The following KCNQ3 variants were observed in gnomAD, a reference collection of about 807,000 sequenced individuals.
KCNQ3 encodes the protein potassium voltage-gated channel subfamily KQT member 3.
Under a neutral mutation model 92.5 loss-of-function variants are expected in KCNQ3, and 30 were observed. The observed-to-expected ratio is 0.32, with a 90% CI of 0.24 to 0.44. The LOEUF (loss-of-function observed/expected upper bound fraction) is 0.44, where lower values mean the gene tolerates loss of function less well. Among genes scored for constraint, KCNQ3 ranks in the 20% least tolerant of loss-of-function variants. KCNQ3 has a pLI of 1.00. For synonymous variants in KCNQ3, 450 were observed against 468.8 expected, an observed-to-expected ratio of 0.96 and a Z score of 0.52; for missense variants, 913 against 1,140.3, an observed-to-expected ratio of 0.80 and a Z score of 2.87.
At chr8:132,414,789 C>T (rs974817858) in intron 1 of KCNQ3, among the ~76,000 whole-genome samples, 2 of 152,180 alleles carry the variant, frequency 1.3e-5, no homozygotes, top group African/African-American at 4.8e-5. Context: ...AAACGCATGA[C>T]CCACCTCATT....
chr8:132,331,126 G>A (rs1031632470), intron 1 of KCNQ3, among the ~76,000 whole-genome samples: 1 of 152,136 alleles, frequency 6.6e-6, no homozygotes, highest in African/African-American at 2.4e-5. Flanking sequence ...TAGGAACCAG[G>A]CACTGTCCTG....
At chr8:132,369,330 G>A (rs987557733) in intron 1 of KCNQ3, among the ~76,000 whole-genome samples, 3 of 152,072 alleles carry the variant, frequency 2.0e-5, no homozygotes, top group African/African-American at 7.3e-5. Context: ...TACTTAAGGG[G>A]TGGGGAGTTA....
At chr8:132,165,779 C>T (rs953334936) in intron 8 of KCNQ3, among the ~76,000 whole-genome samples, 7 of 152,218 alleles carry the variant, frequency 4.6e-5, no homozygotes, top group African/African-American at 1.4e-4. Flanking sequence ...CATCACTTAT[C>T]AGCTGAGCGA....
chr8:132,193,153 G>A (rs751241133), intron 1 of KCNQ3, among the ~76,000 whole-genome samples: 10 of 152,150 alleles, frequency 6.6e-5, no homozygotes, highest in Non-Finnish European at 1.5e-4. Context: ...CAGGAGTCTT[G>A]GGGAGAGCCA....
At chr8:132,291,317 C>A (rs1816828336) in intron 1 of KCNQ3, among the ~76,000 whole-genome samples, 1 of 152,280 alleles carries the variant, frequency 6.6e-6, no homozygotes. Context: ...GCAAATGTTT[C>A]TTTTCATGGC....
intron 1 of KCNQ3, among the ~76,000 whole-genome samples, chr8:132,230,781 C>T (rs936224863): frequency 6.6e-6 from 1 of 152,106 alleles, no homozygotes; most frequent in Non-Finnish European, 1.5e-5. Context: ...AGGTTGTCTC[C>T]CATAGTGTCA....
At chr8:132,389,418 G>C (rs951755429) in intron 1 of KCNQ3, among the ~76,000 whole-genome samples, 3 of 152,190 alleles carry the variant, frequency 2.0e-5, no homozygotes, top group Non-Finnish European at 4.4e-5. Flanking sequence ...ACTCCATCCT[G>C]GCCAACAGAG....
At chr8:132,189,534 T>C (rs997682378) in intron 1 of KCNQ3, among the ~76,000 whole-genome samples, 3 of 152,038 alleles carry the variant, frequency 2.0e-5, no homozygotes, top group Non-Finnish European at 4.4e-5. Flanking sequence ...CAATAAAAAT[T>C]AACCAAAAAT....
In KCNQ3 at chr8:132,137,883, A is replaced by G. The variant is rs1196251428; in HGVS notation, c.1700+2T>C. On this transcript the variant is annotated splice_donor_variant, in intron 12 of 14. Transcript: ENST00000388996. LOFTEE classifies it high-confidence loss of function. Reference sequence around the variant, plus strand: ...CAGTCCCTCCAGATGTGACTGTCTCACCTCGTCTGAAGGTACTTTATCCTG... The same window carrying G: ...CAGTCCCTCCAGATGTGACTGTCTCGCCTCGTCTGAAGGTACTTTATCCTG... The G allele has an allele frequency of 6.2e-7, 1 of 1,613,876 alleles. No individual in the cohort carries two copies. Among genetic ancestry groups the G allele is most frequent in the Non-Finnish European group, 8.5e-7 (1 of 1,179,980 alleles).
At chr8:132,420,192 A>G (rs1003103879) in intron 1 of KCNQ3, among the ~76,000 whole-genome samples, 1 of 152,062 alleles carries the variant, frequency 6.6e-6, no homozygotes, top group Admixed American at 6.6e-5. Flanking sequence ...CACTAATCCC[A>G]TTCTTGAAGA....
chr8:132,407,907 G>A (rs1467844485), intron 1 of KCNQ3, among the ~76,000 whole-genome samples: 1 of 152,148 alleles, frequency 6.6e-6, no homozygotes, highest in Non-Finnish European at 1.5e-5. Context: ...AGAGGGCAGG[G>A]ACTCTGTCTC....
intron 14 of KCNQ3, among the ~76,000 whole-genome samples, chr8:132,130,793 GCTTGCT>G (rs1342843053): frequency 6.6e-6 from 1 of 152,192 alleles, no homozygotes; most frequent in African/African-American, 2.4e-5. Flanking sequence ...CTACCTAGCA[GCTTGCT>G]CTTGCCTGCC....
chr8:132,228,144 T>C lies in KCNQ3; in HGVS notation c.387-41963A>G, dbSNP rs529862659. ...AGATGGTGCTCATATTAATTTGTCA[T>C]AGATGTAAGACCCAAACAGTTTTGC... On this transcript the variant is annotated intron_variant, in intron 1 of 14. Coordinates refer to ENST00000388996, the MANE Select transcript of KCNQ3 (RefSeq NM_004519.4). Among the ~76,000 whole-genome samples the C allele has an allele frequency of 3.9e-5, 6 of 152,326 alleles. No homozygotes were observed. In the East Asian group the frequency reaches 1.2e-3, roughly 29 times the overall value.
intron 1 of KCNQ3, among the ~76,000 whole-genome samples, chr8:132,250,013 GC>G (rs1815346998): frequency 6.6e-6 from 1 of 152,120 alleles, no homozygotes; most frequent in Admixed American, 6.5e-5. Flanking sequence ...GCACTGCACA[GC>G]CCCAGTTCCC....
chr8:132,474,015 C>T (rs1822350609), intron 1 of KCNQ3, among the ~76,000 whole-genome samples: 1 of 152,184 alleles, frequency 6.6e-6, no homozygotes, highest in Non-Finnish European at 1.5e-5. Flanking sequence ...CTTGGTTTGT[C>T]AACAGGAGAG....
chr8:132,242,131 T>C (rs148364923), intron 1 of KCNQ3, among the ~76,000 whole-genome samples: 127 of 152,350 alleles, frequency 8.3e-4, no homozygotes, highest in Non-Finnish European at 1.5e-3. Context: ...ATTTGAGTCA[T>C]GTCGAATGGC....
intron 1 of KCNQ3, among the ~76,000 whole-genome samples, chr8:132,191,764 G>T (rs1358502864): frequency 6.6e-6 from 1 of 151,908 alleles, no homozygotes; most frequent in Non-Finnish European, 1.5e-5. Flanking sequence ...GAGGAGGAGG[G>T]TGCGCTGGAG....
intron 1 of KCNQ3, among the ~76,000 whole-genome samples, chr8:132,388,178 A>C (rs1819946456): frequency 6.6e-6 from 1 of 152,238 alleles, no homozygotes; most frequent in East Asian, 1.9e-4. Context: ...AAATGAGCCC[A>C]GATTTTTAAA....
chr8:132,478,094 T>C (rs1256886279), intron 1 of KCNQ3, among the ~76,000 whole-genome samples: 1 of 152,258 alleles, frequency 6.6e-6, no homozygotes, highest in Non-Finnish European at 1.5e-5. Flanking sequence ...TTTGCATATA[T>C]AGTTCCTAGC....
Sources: gnomAD v4.1 joint callset for allele counts (sites outside exome capture counted in the v4.1 genomes callset) on GRCh38, gnomAD v4.1.1 for gene constraint, MANE v1.5 for transcripts, NCBI Gene and HGNC (gene_info 2026-07-23, HGNC 2026-07-21) for gene names.